Variants in CNTNAP5 observed in about 807,000 individuals in gnomAD.
The protein encoded by CNTNAP5 is contactin associated protein family member 5, also known as contactin-associated protein-like 5.
In CNTNAP5, 72 loss-of-function variants were observed where a neutral mutation model predicts 150.2. That is an observed-to-expected ratio of 0.48 (90% CI 0.40 to 0.58). CNTNAP5 has a LOEUF of 0.58. Among genes scored for constraint, CNTNAP5 ranks in the 20% least tolerant of loss-of-function variants. CNTNAP5 has a pLI of 0.00. For missense variants in CNTNAP5, 1,636 were observed against 1,626.2 expected (o/e 1.01, Z -0.10); for synonymous variants, 672 against 619.8 (o/e 1.08, Z -1.25).
intron 3 of CNTNAP5, among the ~76,000 whole-genome samples, chr2:124,295,065 C>T (rs1222134110): frequency 6.6e-6 from 1 of 152,082 alleles, no homozygotes; most frequent in Admixed American, 6.6e-5. Context: ...GAGATCCTGC[C>T]ACTGCACTCC....
chr2:124,706,746 CAAGAAGAAGAAG>C lies in CNTNAP5; in HGVS notation c.2078-40443_2078-40432del, dbSNP rs747166844. 7.1e-3 allele frequency among the ~76,000 whole-genome samples: 372 copies of C among 52,176 alleles called. 5 individuals carry two copies. The highest frequency in any genetic ancestry group is 0.044 in the Middle Eastern group (3 of 68). 34.2% of individuals were successfully genotyped at this position (52,176 alleles called of 152,430 possible). On this transcript the variant is annotated intron_variant, in intron 13 of 23. Coordinates refer to ENST00000682447, the MANE Select transcript of CNTNAP5 (RefSeq NM_001367498.1). ...TGAGTGACAGAGTGAGACTCTGTTT[CAAGAAGAAGAAG>C]AAGAAGAAGAAGAAGAAGAAGAAGA...
chr2:124,817,205 A>C (rs1007570246), intron 19 of CNTNAP5, among the ~76,000 whole-genome samples: 1 of 152,236 alleles, frequency 6.6e-6, no homozygotes, highest in African/African-American at 2.4e-5. Context: ...AATTTTTAAA[A>C]CATGCTAAAT....
At position 124,512,944 on chromosome 2, in the gene CNTNAP5, C is replaced by T. The variant is rs1694627103; in HGVS notation, c.1327+8388C>T. On this transcript the variant is annotated intron_variant, in intron 8 of 23. Coordinates refer to ENST00000682447, the MANE Select transcript of CNTNAP5 (RefSeq NM_001367498.1). ...CATCCTGTAGCTATGGTCAACATGA[C>T]ACCCTTAGCTTTCAGAATTTAATCT... Among the ~76,000 whole-genome samples, 4 of 152,322 alleles carry T rather than the reference C, an allele frequency of 2.6e-5. No homozygotes were observed. In the South Asian group the frequency reaches 8.3e-4, roughly 32 times the overall value.
intron 22 of CNTNAP5, among the ~76,000 whole-genome samples, chr2:124,910,800 G>C (rs1373490952): frequency 2.0e-5 from 3 of 151,812 alleles, no homozygotes; most frequent in Non-Finnish European, 4.4e-5. Flanking sequence ...TAGCCACAAG[G>C]TCCTGAAAAT....
intron 13 of CNTNAP5, among the ~76,000 whole-genome samples, chr2:124,682,852 T>C (rs1296268830): frequency 6.6e-6 from 1 of 152,176 alleles, no homozygotes; most frequent in East Asian, 1.9e-4. Context: ...GAAAAGGATG[T>C]TGGCTAATTA....
chr2:124,476,578 A>G (rs767607455), intron 7 of CNTNAP5, among the ~76,000 whole-genome samples: 10 of 152,268 alleles, frequency 6.6e-5, no homozygotes, highest in Non-Finnish European at 1.5e-4. Context: ...TAGCGGCAGA[A>G]GTCTAGGCTT....
At chr2:124,295,229 A>C (rs940597969) in intron 3 of CNTNAP5, among the ~76,000 whole-genome samples, 31 of 148,404 alleles carry the variant, frequency 2.1e-4, no homozygotes, top group African/African-American at 6.5e-4. Flanking sequence ...CTTTTTTTGC[A>C]TAACTGTGAA....
At chr2:124,603,850 T>C (rs1259639372) in intron 11 of CNTNAP5, among the ~76,000 whole-genome samples, 2 of 152,194 alleles carry the variant, frequency 1.3e-5, no homozygotes, top group African/African-American at 4.8e-5. Context: ...GATTGATGGA[T>C]AGATAGAAAC....
At chr2:124,708,789 C>T (rs1304909176) in intron 13 of CNTNAP5, among the ~76,000 whole-genome samples, 1 of 152,168 alleles carries the variant, frequency 6.6e-6, no homozygotes, top group East Asian at 1.9e-4. Flanking sequence ...GCACTAATTG[C>T]TGAGTTCTCT....
intron 18 of CNTNAP5, among the ~76,000 whole-genome samples, chr2:124,796,457 T>A (rs1428854703): frequency 6.6e-6 from 1 of 152,240 alleles, no homozygotes. Flanking sequence ...ACCAGAATTC[T>A]CACTGTCACA....
rs1239713044 is a variant in CNTNAP5 at position 124,357,382 on chromosome 2, A to C, written c.382-60061A>C. 4.6e-5 allele frequency among the ~76,000 whole-genome samples: 7 copies of C among 152,194 alleles called. No individual in the cohort carries two copies. The East Asian group carries it at 1.2e-3, about 25-fold the overall frequency. On this transcript the variant is annotated intron_variant, in intron 3 of 23. Transcript: ENST00000682447. ...TGTTGTGGACATGAAGTCCTTGCCC[A>C]TGCCTATGTCCTGAATGGTAATGCC...
At chr2:124,875,450 C>T (rs1677834608) in intron 21 of CNTNAP5, among the ~76,000 whole-genome samples, 1 of 151,960 alleles carries the variant, frequency 6.6e-6, no homozygotes, top group African/African-American at 2.4e-5. Flanking sequence ...CAAATTGACC[C>T]ATGTTTGCAT....
At chr2:124,716,912 C>A (rs1679956629) in intron 13 of CNTNAP5, among the ~76,000 whole-genome samples, 1 of 152,146 alleles carries the variant, frequency 6.6e-6, no homozygotes, top group African/African-American at 2.4e-5. Flanking sequence ...TCTGGCAAAA[C>A]TTCTGTGGTA....
chr2:124,427,580 C>T (rs1692270746), intron 4 of CNTNAP5, among the ~76,000 whole-genome samples: 1 of 151,914 alleles, frequency 6.6e-6, no homozygotes, highest in Non-Finnish European at 1.5e-5. Flanking sequence ...CCTCAGCCTC[C>T]CGAGTAGCTG....
chr2:124,356,444 C>G (rs957395821), intron 3 of CNTNAP5, among the ~76,000 whole-genome samples: 1 of 144,338 alleles, frequency 6.9e-6, no homozygotes, highest in African/African-American at 2.6e-5. Context: ...TCTCCCAATG[C>G]TATCCCTCCC....
chr2:124,172,875 G>C (rs192759614), intron 1 of CNTNAP5, among the ~76,000 whole-genome samples: 156 of 151,966 alleles, frequency 1.0e-3, no homozygotes, highest in African/African-American at 3.7e-3. Flanking sequence ...TTTGCACTCT[G>C]CTTTATTTCA....
intron 1 of CNTNAP5, among the ~76,000 whole-genome samples, chr2:124,201,449 C>T (rs1685724655): frequency 6.6e-6 from 1 of 152,202 alleles, no homozygotes; most frequent in African/African-American, 2.4e-5. Context: ...TCCTCCTCAA[C>T]ACAATCATGC....
chr2:124,557,188 G>A (rs1321879809), intron 10 of CNTNAP5, among the ~76,000 whole-genome samples: 6 of 151,998 alleles, frequency 3.9e-5, no homozygotes, highest in Admixed American at 3.9e-4. Context: ...ATCCCTAAGT[G>A]GCCACTAAAG....
At chr2:124,288,651 T>G (rs1276570419) in intron 3 of CNTNAP5, among the ~76,000 whole-genome samples, 1 of 152,194 alleles carries the variant, frequency 6.6e-6, no homozygotes, top group Non-Finnish European at 1.5e-5. Context: ...TTTAATTAAA[T>G]TAAACCCTTG....
Sources: allele counts gnomAD v4.1 joint callset (sites outside exome capture counted in the v4.1 genomes callset), GRCh38; gene constraint gnomAD v4.1.1; transcripts MANE v1.5; gene names NCBI Gene and HGNC (gene_info 2026-07-23, HGNC 2026-07-21).